Variants in TLE3 observed in about 807,000 individuals in gnomAD.
The protein encoded by TLE3 is transducin-like enhancer protein 3.
A neutral mutation model predicts 93.0 loss-of-function variants in TLE3; 14 were observed. The observed-to-expected ratio is 0.15, with a 90% CI of 0.10 to 0.24. The LOEUF (loss-of-function observed/expected upper bound fraction) is 0.24, where lower values mean the gene tolerates loss of function less well. TLE3 is among the 10% of genes least tolerant of loss of function. The pLI is 1.00. For synonymous variants in TLE3, 451 were observed against 425.0 expected (o/e 1.06, Z -0.75); for missense variants, 693 against 1,046.6 (o/e 0.66, Z 4.66).
intron 4 of TLE3, among the ~76,000 whole-genome samples, chr15:70,089,661 A>T (rs1182112355): frequency 6.6e-6 from 1 of 152,238 alleles, no homozygotes; most frequent in Non-Finnish European, 1.5e-5. Context: ...CTTCATACCT[A>T]CAAAAATGAG....
chr15:70,084,333 G>A (rs1042764551), intron 4 of TLE3, among the ~76,000 whole-genome samples: 1 of 152,240 alleles, frequency 6.6e-6, no homozygotes, highest in Non-Finnish European at 1.5e-5. Context: ...AACAACTAGT[G>A]GGTAGAGATT....
intron 8 of TLE3, among the ~76,000 whole-genome samples, chr15:70,062,122 C>A (rs1444085812): frequency 6.6e-6 from 1 of 152,156 alleles, no homozygotes; most frequent in Non-Finnish European, 1.5e-5. Flanking sequence ...CAAGTTTCTG[C>A]CCGAAGCAAA....
chr15:70,060,894 T>A, intron 8 of TLE3: 1 of 519,496 alleles, frequency 1.9e-6, no homozygotes, highest in Non-Finnish European at 3.6e-6. Flanking sequence ...AGCTCTGCAC[T>A]GCTATTAAAT....
rs60969683 is a variant in TLE3 at position 70,097,816 on chromosome 15, CAA to C, written c.-1020_-1019del. On this transcript the variant is annotated 5_prime_UTR_variant, in exon 1 of 20. Transcript: ENST00000451782. ...CGCGCGCACGCACACACACACACAC[CAA>C]AAAAAAAAGTGCCCCGGACCTACGG... 1.0e-3 allele frequency: 342 copies of C among 327,430 alleles called. No individual in the cohort carries two copies. The highest frequency in any genetic ancestry group is 1.6e-3 in the Middle Eastern group (2 of 1,276). 20.3% of individuals were successfully genotyped at this position (327,430 alleles called of 1,614,324 possible).
intron 2 of TLE3, 60 bp from the exon 3 acceptor site, chr15:70,095,701 C>G (rs1353598758): frequency 1.3e-6 from 2 of 1,537,706 alleles, no homozygotes; most frequent in Non-Finnish European, 1.8e-6. Flanking sequence ...TCTGAGGCCC[C>G]GACCCAAGGG....
At chr15:70,060,799 G>C (rs1268599518) in intron 8 of TLE3, 150 bp from the exon 9 acceptor site, 1 of 1,398,048 alleles carries the variant, frequency 7.2e-7, no homozygotes. Flanking sequence ...GGCTCCATCA[G>C]AGCCTTGCCA....
chr15:70,056,127 C>T, intron 14 of TLE3, 171 bp downstream of exon 14: 1 of 727,284 alleles, frequency 1.4e-6, no homozygotes. Context: ...CTACAGTTTC[C>T]TGGGGTTGCA....
intron 15 of TLE3, 27 bp from the exon 16 acceptor site, chr15:70,054,712 T>C (rs1247754448): frequency 6.5e-7 from 1 of 1,543,294 alleles, no homozygotes; most frequent in Admixed American, 1.9e-5. Flanking sequence ...CAGGGCTGAG[T>C]GCTGCCTACT....
chr15:70,048,266 T>A lies in TLE3; in HGVS notation c.*1831A>T, dbSNP rs2055235544. On this transcript the variant is annotated 3_prime_UTR_variant, in exon 20 of 20. Transcript: ENST00000451782. ...TTCAGTACAATGACTTTTCATTCTT[T>A]TTTTCTTCGGGAATAACTTTCTTCT... 1 of 152,156 alleles carries A rather than the reference T, an allele frequency of 6.6e-6. No homozygotes were observed. 9.4% of individuals were successfully genotyped at this position (152,156 alleles called of 1,614,324 possible).
intron 2 of TLE3, 84 bp downstream of exon 2, chr15:70,096,077 C>T: frequency 1.4e-6 from 2 of 1,463,260 alleles, no homozygotes; most frequent in South Asian, 1.3e-5. Flanking sequence ...CGGGAGCCCC[C>T]TCCGTCCCCG....
At chr15:70,070,752 G>A (rs187388356) in intron 6 of TLE3, among the ~76,000 whole-genome samples, 6 of 152,286 alleles carry the variant, frequency 3.9e-5, no homozygotes, top group South Asian at 2.1e-4. Flanking sequence ...CACCATGGCT[G>A]CCTGGCTGAA....
intron 6 of TLE3, among the ~76,000 whole-genome samples, chr15:70,067,182 C>G (rs571315653): frequency 2.0e-5 from 3 of 152,318 alleles, no homozygotes; most frequent in African/African-American, 7.2e-5. Flanking sequence ...GGCCCAACTT[C>G]CCCACTCAAC....
intron 4 of TLE3, chr15:70,079,524 T>C: frequency 2.3e-6 from 1 of 434,044 alleles, no homozygotes; most frequent in Non-Finnish European, 4.6e-6. Flanking sequence ...CATCTGCTAG[T>C]ACCCTCTTGG....
chr15:70,075,444 T>A (rs1005559898), intron 5 of TLE3, among the ~76,000 whole-genome samples: 5 of 152,218 alleles, frequency 3.3e-5, no homozygotes, highest in African/African-American at 4.8e-5. Context: ...ATCTGATTCT[T>A]ATATATTAAT....
chr15:70,054,571 T>C lies in TLE3; in HGVS notation c.1693A>G (p.Ile565Val), dbSNP rs2141422641. Residue 565 changes from isoleucine (I) to valine (V), a missense_variant, in exon 16 of 20, where the codon ATC becomes GTC. By Grantham distance (29) the Ile-to-Val change is conservative (BLOSUM62 3). Transcript: ENST00000451782. ...GCCGAGGACGTCAGCTCGGCCTTGA[T>C]GCGGGGCGTGGGCGAGGCCAGGTCC... ...IWDLASPTPR[I>V]KAELTSSAPA... 2 of 1,613,830 alleles carry C rather than the reference T, an allele frequency of 1.2e-6. No individual in the cohort carries two copies. Among genetic ancestry groups the C allele is most frequent in the Middle Eastern group, 1.6e-4 (1 of 6,062 alleles).
At chr15:70,056,240 T>C (rs2056014920) in intron 14 of TLE3, 58 bp downstream of exon 14, 1 of 1,557,954 alleles carries the variant, frequency 6.4e-7, no homozygotes, top group South Asian at 1.1e-5. Flanking sequence ...GAATTGGGGG[T>C]AGAGTGCTCT....
In TLE3 at chr15:70,097,518, G is replaced by C. The variant is rs1011309670; in HGVS notation, c.-720C>G. 2.5e-6 allele frequency: 1 copy of C among 402,678 alleles called. No individual in the cohort carries two copies. Among genetic ancestry groups the C allele is most frequent in the East Asian group, 3.6e-5 (1 of 28,164 alleles). 24.9% of individuals were successfully genotyped at this position (402,678 alleles called of 1,614,324 possible). ...CGGGGAGGAACTCCGGGCTCAGTAG[G>C]TGCAAATCAAACGCCCTGGCATCCT... On this transcript the variant is annotated 5_prime_UTR_variant, in exon 1 of 20. Coordinates refer to ENST00000451782, the MANE Select transcript of TLE3 (RefSeq NM_001105192.3).
rs756494601 is a variant in TLE3, at chr15:70,048,076, C to G, written c.*2021G>C. On this transcript the variant is annotated 3_prime_UTR_variant, in exon 20 of 20. Transcript: ENST00000451782. ...GCTGTGAGATGAGAAGAGCTCACAT[C>G]GATGGGAAATGGCCCTGGCCCAGGC... 6.9e-6 allele frequency: 1 copy of G among 144,654 alleles called. No homozygotes were observed. Among genetic ancestry groups the G allele is most frequent in the Non-Finnish European group, 1.5e-5 (1 of 67,408 alleles). 9.0% of individuals were successfully genotyped at this position (144,654 alleles called of 1,614,324 possible).
In TLE3 at chr15:70,058,905, G is replaced by C; in HGVS notation, c.766-90C>G. The C allele has an allele frequency of 7.0e-7, 1 of 1,433,574 alleles. No individual in the cohort carries two copies. The highest frequency in any genetic ancestry group is 9.1e-7 in the Non-Finnish European group (1 of 1,093,352). 88.8% of individuals were successfully genotyped at this position (1,433,574 alleles called of 1,614,324 possible). On this transcript the variant is annotated intron_variant, in intron 10 of 19. Transcript: ENST00000451782. The surrounding 1 kb of genome is among the most constrained non-coding windows in gnomAD (Gnocchi z 4.1). ...TGGGAGTGGGAAGAGAGAGGGCATG[G>C]GCGATGGGAAGACGAGCTTGGCTGA...
Sources: allele counts gnomAD v4.1 joint callset (sites outside exome capture counted in the v4.1 genomes callset), GRCh38; gene constraint gnomAD v4.1.1; non-coding constraint Gnocchi (gnomAD v3.1); transcripts MANE v1.5; gene names NCBI Gene and HGNC (gene_info 2026-07-23, HGNC 2026-07-21).